Variants in TMLHE observed in about 807,000 individuals in gnomAD.
TMLHE encodes the protein trimethyllysine hydroxylase, epsilon.
In TMLHE, 18 loss-of-function variants were observed where a neutral mutation model predicts 25.7. That is an observed-to-expected ratio of 0.70 (90% confidence interval 0.48 to 1.04). TMLHE has a LOEUF of 1.04. TMLHE is among the 50% of genes least tolerant of loss of function. The pLI is 0.00. For synonymous variants in TMLHE, 105 were observed against 97.0 expected, an observed-to-expected ratio of 1.08 and a Z score of -0.49; for missense variants, 236 against 259.0, an observed-to-expected ratio of 0.91 and a Z score of 0.61.
At chrX:155,512,359 C>T (rs1003197479) in intron 4 of TMLHE, among the ~76,000 whole-genome samples, 1 of 99,183 alleles carries the variant, frequency 1.0e-5, no homozygotes, top group Non-Finnish European at 2.0e-5. Flanking sequence ...TGATGTTCCC[C>T]TTCCTGTGTC....
chrX:155,546,566 T>G (rs1185755710), intron 1 of TMLHE, among the ~76,000 whole-genome samples: 1 of 111,209 alleles, frequency 9.0e-6, no homozygotes, highest in African/African-American at 3.3e-5. Context: ...TGTAAGCTGA[T>G]GAAAGGACTG....
intron 6 of TMLHE, among the ~76,000 whole-genome samples, chrX:155,505,977 C>G (rs2067073944): frequency 9.0e-6 from 1 of 111,019 alleles, no homozygotes; most frequent in African/African-American, 3.3e-5. Context: ...ATAATGGGCT[C>G]CAGAAACCCA....
At chrX:155,526,209 G>A (rs1217083250) in intron 2 of TMLHE, among the ~76,000 whole-genome samples, 1 of 113,058 alleles carries the variant, frequency 8.8e-6, no homozygotes, top group East Asian at 2.8e-4. Context: ...CAGGCCCAGG[G>A]CCCTACTGCT....
chrX:155,506,772 A>C, intron 6 of TMLHE, 126 bp downstream of exon 6: 1 of 560,917 alleles, frequency 1.8e-6, no homozygotes, highest in Non-Finnish European at 3.0e-6. Flanking sequence ...ACTGTTTGAT[A>C]ATAAAAAGCT....
At chrX:155,587,828 A>T in intron 1 of TMLHE, among the ~76,000 whole-genome samples, 1 of 112,274 alleles carries the variant, frequency 8.9e-6, no homozygotes, top group Middle Eastern at 4.6e-3. Context: ...AAACTAAAAA[A>T]TACTGACAAA....
intron 1 of TMLHE, among the ~76,000 whole-genome samples, chrX:155,577,488 G>A (rs1171791805): frequency 2.7e-5 from 3 of 109,632 alleles, no homozygotes; most frequent in Non-Finnish European, 5.7e-5. Context: ...GCTGAGGCAT[G>A]AGAGTTGCTT....
intron 1 of TMLHE, among the ~76,000 whole-genome samples, chrX:155,592,433 G>A (rs953363387): frequency 3.6e-5 from 4 of 112,049 alleles, no homozygotes; most frequent in African/African-American, 1.3e-4. Flanking sequence ...AGACACCCAT[G>A]TGGACCACAG....
rs184320901 is a variant in TMLHE at position 155,556,326 on chromosome X, T to A, written c.-1-11049A>T. Among the ~76,000 whole-genome samples, 41 of 111,714 alleles carry A rather than the reference T, an allele frequency of 3.7e-4. 1 individual carries two copies. The Admixed American group carries it at 3.7e-3, about 10-fold the overall frequency. On this transcript the variant is annotated intron_variant, in intron 1 of 7. Coordinates refer to ENST00000334398, the MANE Select transcript of TMLHE (RefSeq NM_018196.4). ...CAGTCATGCCACACCTGGACTTCTG[T>A]CCTATTATCGGGGGACCTGCCCCGA...
rs1241045580 is a variant in TMLHE, at chrX:155,511,703, G to T, written c.728C>A (p.Thr243Asn). 33 of 1,201,393 alleles carry T rather than the reference G, an allele frequency of 2.7e-5. No homozygotes were observed. The highest frequency in any genetic ancestry group is 3.7e-5 in the Non-Finnish European group (33 of 889,741). The change falls in exon 5 of 8, where the codon ACT (threonine) becomes AAT (asparagine). Residue 243 changes from threonine to asparagine, a missense_variant. Around this residue, in one of 2 missense-constraint regions of TMLHE, gnomAD observed 217 missense variants for 214.6 expected, o/e 1.01. Transcript: ENST00000334398. ...GGGCTCTTGAAAATAGGTAGTGTCA[G>T]TGTGCCGATCCAGAGCTAGCTTGGT... is the stretch of plus-strand genomic sequence containing the variant. ...AYTKLALDRH[T>N]DTTYFQEPCG... is the part of the protein sequence containing the mutation.
intron 2 of TMLHE, among the ~76,000 whole-genome samples, chrX:155,524,838 G>A (rs929558282): frequency 3.6e-5 from 4 of 111,468 alleles, no homozygotes; most frequent in South Asian, 3.7e-4. Context: ...TAAAATGATG[G>A]AAGAGTATAA....
At chrX:155,557,385 C>G (rs2067464855) in intron 1 of TMLHE, among the ~76,000 whole-genome samples, 1 of 111,821 alleles carries the variant, frequency 8.9e-6, no homozygotes, top group African/African-American at 3.2e-5. Context: ...GTTTGGGGCC[C>G]CTCACTTCCC....
chrX:155,564,157 G>A (rs1236450681), intron 1 of TMLHE, among the ~76,000 whole-genome samples: 2 of 61,784 alleles, frequency 3.2e-5, no homozygotes, highest in African/African-American at 7.2e-5. Context: ...CTTAGTTCCA[G>A]CTGATTATGG....
At chrX:155,581,894 G>A (rs1454534595) in intron 1 of TMLHE, among the ~76,000 whole-genome samples, 5 of 111,984 alleles carry the variant, frequency 4.5e-5, no homozygotes, top group East Asian at 5.6e-4. Context: ...GAACAAAGCT[G>A]GAGGCATCAT....
At chrX:155,586,886 A>G (rs2067668179) in intron 1 of TMLHE, among the ~76,000 whole-genome samples, 1 of 112,107 alleles carries the variant, frequency 8.9e-6, no homozygotes, top group Non-Finnish European at 1.9e-5. Context: ...AGTCTCCCAA[A>G]GAAGAAAGCT....
In TMLHE at chrX:155,601,585, C is replaced by A. The variant is rs2067756559; in HGVS notation, c.-2+11207G>T. On this transcript the variant is annotated intron_variant, in intron 1 of 7. Transcript: ENST00000334398. The stretch of plus-strand genomic sequence containing the variant: ...ATCAAAAAAGGATTTAAATGGTATG[C>A]AAGAAATTAGCTATATAACATAAAA... Among the ~76,000 whole-genome samples the A allele has an allele frequency of 2.7e-5, 3 of 110,872 alleles. 1 individual carries two copies. In the South Asian group the frequency reaches 1.1e-3, roughly 42 times the overall value.
intron 1 of TMLHE, among the ~76,000 whole-genome samples, chrX:155,606,012 C>T (rs1557347794): frequency 8.9e-6 from 1 of 111,872 alleles, no homozygotes; most frequent in Non-Finnish European, 1.9e-5. Flanking sequence ...CAAAGAAGGA[C>T]ATTACAAATG....
chrX:155,567,428 A>C (rs2067514726), intron 1 of TMLHE, among the ~76,000 whole-genome samples: 1 of 62,271 alleles, frequency 1.6e-5, no homozygotes, highest in Non-Finnish European at 4.5e-5. Context: ...ATTTATCTCA[A>C]GTTACAAAAT....
At chrX:155,548,531 T>TCGTTC (rs1569562089) in intron 1 of TMLHE, among the ~76,000 whole-genome samples, 2 of 107,809 alleles carry the variant, frequency 1.9e-5, no homozygotes, top group Non-Finnish European at 3.8e-5. Flanking sequence ...GTCAGCAGTA[T>TCGTTC]GAGGCCAGCC....
chrX:155,526,820 G>A (rs1306611512), intron 2 of TMLHE, among the ~76,000 whole-genome samples: 10 of 113,075 alleles, frequency 8.8e-5, no homozygotes, highest in Non-Finnish European at 1.3e-4. Flanking sequence ...AAGATTTAAC[G>A]ACTGCCCTGT....
Sources: gnomAD v4.1 joint callset for allele counts (sites outside exome capture counted in the v4.1 genomes callset) on GRCh38, gnomAD v4.1.1 for gene constraint, gnomAD v4.1.1 regional missense constraint, MANE v1.5 for transcripts, NCBI Gene and HGNC (gene_info 2026-07-23, HGNC 2026-07-21) for gene names.